Variants in MFAP1 observed in about 807,000 individuals in gnomAD.
MFAP1 encodes the protein microfibril associated protein 1.
Under a neutral mutation model 62.2 loss-of-function variants are expected in MFAP1, and 18 were observed. The ratio of observed to expected loss-of-function variants is 0.29; its 90% CI spans 0.20 to 0.43. MFAP1 has a LOEUF of 0.43. Among genes scored for constraint, MFAP1 ranks in the 20% least tolerant of loss-of-function variants. MFAP1 has a pLI of 1.00. For synonymous variants in MFAP1, 175 were observed against 180.4 expected, an observed-to-expected ratio of 0.97 and a Z score of 0.24; for missense variants, 355 against 559.7, an observed-to-expected ratio of 0.63 and a Z score of 3.69.
intron 1 of MFAP1, among the ~76,000 whole-genome samples, chr15:43,819,688 T>C (rs2087455453): frequency 1.3e-5 from 2 of 152,134 alleles, no homozygotes; most frequent in South Asian, 2.1e-4. Context: ...CCCACCACCA[T>C]GCCTGGCTAA....
chr15:43,813,503 C>A, intron 4 of MFAP1, 146 bp from the exon 5 acceptor site: 1 of 621,334 alleles, frequency 1.6e-6, no homozygotes, highest in Non-Finnish European at 2.5e-6. Context: ...TGAGTCATCC[C>A]AGGTCTTTTT....
At chr15:43,823,038 C>T (rs1409658613) in intron 1 of MFAP1, among the ~76,000 whole-genome samples, 4 of 150,602 alleles carry the variant, frequency 2.7e-5, no homozygotes, top group Admixed American at 6.6e-5. Flanking sequence ...GGTTTCACCA[C>T]GTTGGCCAGG....
chr15:43,818,387 T>C (rs1292994908), intron 1 of MFAP1, among the ~76,000 whole-genome samples: 1 of 152,058 alleles, frequency 6.6e-6, no homozygotes, highest in Admixed American at 6.6e-5. Context: ...GAGTATAACC[T>C]TGATAACCAA....
At chr15:43,806,584 C>T (rs1388243515) in intron 7 of MFAP1, among the ~76,000 whole-genome samples, 1 of 152,288 alleles carries the variant, frequency 6.6e-6, no homozygotes, top group Admixed American at 6.5e-5. Flanking sequence ...TAAATGAATA[C>T]AACACCTAGG....
intron 4 of MFAP1, among the ~76,000 whole-genome samples, chr15:43,813,623 C>A (rs997282382): frequency 6.0e-5 from 9 of 151,172 alleles, no homozygotes; most frequent in African/African-American, 2.2e-4. Context: ...CAATTCTCTG[C>A]CTCAGCCTCC....
At position 43,824,674 on chromosome 15, in the gene MFAP1, A is replaced by T; in HGVS notation, c.-105T>A. The T allele has an allele frequency of 1.7e-6, 2 of 1,146,422 alleles. No homozygotes were observed. Among genetic ancestry groups the T allele is most frequent in the Non-Finnish European group, 1.3e-6 (1 of 769,452 alleles). 71.0% of individuals were successfully genotyped at this position (1,146,422 alleles called of 1,614,324 possible). On this transcript the variant is annotated 5_prime_UTR_variant, in exon 1 of 9. Transcript: ENST00000267812. ...ATTCCTTCCACCTGAGTCCGCGAAC[A>T]CAGCTGCGCGACTGATAGAGAAACT...
In MFAP1 at chr15:43,817,231, C is replaced by G. The variant is rs1310581133; in HGVS notation, c.297G>C (p.Glu99Asp). The G allele has an allele frequency of 6.2e-7, 1 of 1,612,994 alleles. No homozygotes were observed. Reference protein sequence around the residue: ...LQNRISEDVEERLARHRKIVE... With the variant: ...LQNRISEDVEDRLARHRKIVE... ...GTAAACACAATCACAGACATTACCT[C>G]TCTTCCACATCTTCACTAATACGGT... Residue 99 changes from glutamate to aspartate, a missense_variant and splice_region_variant, in exon 2 of 9, where the codon GAG (glutamate) becomes GAC (aspartate). Transcript: ENST00000267812.
In MFAP1 at chr15:43,813,089, A is replaced by G; in HGVS notation, c.785T>C (p.Leu262Ser). Residue 262 changes from leucine to serine, a missense_variant, in exon 6 of 9, where the codon TTG becomes TCG. By Grantham distance (145) the Leu-to-Ser change is moderately radical. This residue lies in a region of MFAP1 where 257 missense variants were observed against 341.3 expected (regional missense o/e 0.75). Transcript: ENST00000267812. The part of the protein sequence containing the change: ...LEENKRSLAA[L>S]DALNTDDEND... ...TTCATCATCAGTATTGAGTGCATCC[A>G]ATGCAGCCAGGGATCGCTTGTTCTC... The G allele has an allele frequency of 6.2e-7, 1 of 1,614,138 alleles. No homozygotes were observed. The highest frequency in any genetic ancestry group is 8.5e-7 in the Non-Finnish European group (1 of 1,180,038).
intron 1 of MFAP1, among the ~76,000 whole-genome samples, chr15:43,820,146 C>CA (rs1210706696): frequency 6.6e-6 from 1 of 151,646 alleles, no homozygotes; most frequent in African/African-American, 2.4e-5. Flanking sequence ...GACTCCGTCT[C>CA]AAAAAAACAA....
chr15:43,814,425 C>G, intron 4 of MFAP1, 76 bp downstream of exon 4: 3 of 1,484,182 alleles, frequency 2.0e-6, no homozygotes, highest in Non-Finnish European at 2.7e-6. Flanking sequence ...AATAGCAAGA[C>G]AGAAAACAGA....
intron 7 of MFAP1, among the ~76,000 whole-genome samples, chr15:43,809,431 T>C (rs942282043): frequency 9.9e-5 from 15 of 151,328 alleles, no homozygotes; most frequent in African/African-American, 3.2e-4. Flanking sequence ...GACGTCAAGG[T>C]TGCAGTGAAC....
At chr15:43,818,297 G>A (rs1401335072) in intron 1 of MFAP1, among the ~76,000 whole-genome samples, 1 of 151,968 alleles carries the variant, frequency 6.6e-6, no homozygotes, top group Non-Finnish European at 1.5e-5. Flanking sequence ...GGGATTACAG[G>A]CGTGAGCCAC....
chr15:43,816,188 T>A lies in MFAP1; in HGVS notation c.299+1041A>T, dbSNP rs145092035. Reference sequence around the variant, plus strand: ...ACTAGTAACTATGGTTATGTGAGAATGAATAAAAGTGTTTTTTCCCCCCTG... The same window carrying A: ...ACTAGTAACTATGGTTATGTGAGAAAGAATAAAAGTGTTTTTTCCCCCCTG... On this transcript the variant is annotated intron_variant, in intron 2 of 8. Transcript: ENST00000267812. Among the ~76,000 whole-genome samples, 4 of 152,214 alleles carry A rather than the reference T, an allele frequency of 2.6e-5. No homozygotes were observed. In the East Asian group the frequency reaches 7.7e-4, roughly 29 times the overall value.
At chr15:43,821,134 A>C (rs1284279941) in intron 1 of MFAP1, among the ~76,000 whole-genome samples, 2 of 152,130 alleles carry the variant, frequency 1.3e-5, no homozygotes, top group African/African-American at 4.8e-5. Context: ...AAGAAAATAT[A>C]GTTTTAAAAT....
rs773387903 is a variant in MFAP1 at position 43,817,250 on chromosome 15, A to T, written c.278T>A (p.Ile93Asn). The T allele has an allele frequency of 6.2e-7, 1 of 1,613,808 alleles. No individual in the cohort carries two copies. The highest frequency in any genetic ancestry group is 1.7e-5 in the Admixed American group (1 of 60,018). The change falls in exon 2 of 9, where the codon ATT becomes AAT. Residue 93 changes from isoleucine to asparagine, a missense_variant. Transcript: ENST00000267812. The stretch of plus-strand genomic sequence containing the variant: ...TTACCTCTCTTCCACATCTTCACTA[A>T]TACGGTTCTGTAAACGCCGTAGCCG... ...DPRLRRLQNRISEDVEERLAR... is the reference protein window; with the variant it reads ...DPRLRRLQNRNSEDVEERLAR...
chr15:43,813,502 C>A (rs2087415817), intron 4 of MFAP1, 145 bp from the exon 5 acceptor site: 5 of 626,376 alleles, frequency 8.0e-6, no homozygotes, highest in Admixed American at 8.3e-5. Context: ...CTGAGTCATC[C>A]CAGGTCTTTT....
chr15:43,820,240 C>G (rs961743488), intron 1 of MFAP1, among the ~76,000 whole-genome samples: 2 of 152,122 alleles, frequency 1.3e-5, no homozygotes, highest in African/African-American at 4.8e-5. Context: ...ATGGTGTGAA[C>G]CCAGGGGCGG....
rs773533183 is a variant in MFAP1, at chr15:43,814,925, C to T, written c.429+20G>A. On this transcript the variant is annotated intron_variant, in intron 3 of 8. Transcript: ENST00000267812. ...TTTTCTTATATCCAGAAAAAAACTTCCCATGTTCCTTTATCATACCTCATC... is the reference window on the plus strand; with the variant it reads ...TTTTCTTATATCCAGAAAAAAACTTTCCATGTTCCTTTATCATACCTCATC... 1.2e-6 allele frequency: 2 copies of T among 1,611,582 alleles called. No homozygotes were observed. The highest frequency in any genetic ancestry group is 2.2e-5 in the East Asian group (1 of 44,868).
At chr15:43,815,635 G>A (rs917208344) in intron 2 of MFAP1, among the ~76,000 whole-genome samples, 1 of 151,628 alleles carries the variant, frequency 6.6e-6, no homozygotes, top group African/African-American at 2.4e-5. Context: ...GGATGCATTG[G>A]GATTTTTTTT....
Sources: allele counts gnomAD v4.1 joint callset (sites outside exome capture counted in the v4.1 genomes callset), GRCh38; gene constraint gnomAD v4.1.1; regional missense constraint gnomAD v4.1.1; transcripts MANE v1.5; gene names NCBI Gene and HGNC (gene_info 2026-07-23, HGNC 2026-07-21).